CAMKMT: variants seen among roughly 807,000 people sequenced by gnomAD.
The protein encoded by CAMKMT is CaM KMT.
CAMKMT carries 53 observed loss-of-function variants against 48.0 expected under a neutral mutation model. The observed-to-expected ratio is 1.10, with a 90% confidence interval of 0.89 to 1.39. CAMKMT has a LOEUF of 1.39. Among genes scored for constraint, CAMKMT ranks in the 40% most tolerant of loss-of-function variants. The pLI is 0.00. For synonymous variants in CAMKMT, 165 were observed against 152.3 expected (o/e 1.08, Z -0.61); for missense variants, 428 against 402.7 (o/e 1.06, Z -0.54).
At chr2:44,540,379 A>G (rs998983559) in intron 3 of CAMKMT, among the ~76,000 whole-genome samples, 1 of 152,040 alleles carries the variant, frequency 6.6e-6, no homozygotes, top group Non-Finnish European at 1.5e-5. Flanking sequence ...ATCATCTTGT[A>G]CTTTCTCTGA....
intron 9 of CAMKMT, among the ~76,000 whole-genome samples, chr2:44,764,344 G>A (rs957193904): frequency 2.6e-5 from 4 of 152,058 alleles, no homozygotes; most frequent in African/African-American, 9.7e-5. Flanking sequence ...CATTTTTAGA[G>A]CACTGTTAGG....
At chr2:44,514,995 G>A (rs1670765285) in intron 3 of CAMKMT, among the ~76,000 whole-genome samples, 1 of 152,194 alleles carries the variant, frequency 6.6e-6, no homozygotes, top group South Asian at 2.1e-4. Context: ...GGGTAGTCCT[G>A]TGTAGACCAC....
chr2:44,476,303 A>G (rs1668685128), intron 3 of CAMKMT, among the ~76,000 whole-genome samples: 1 of 152,156 alleles, frequency 6.6e-6, no homozygotes, highest in Non-Finnish European at 1.5e-5. Context: ...TTAATTTCTT[A>G]AAGGTAAAGA....
intron 3 of CAMKMT, among the ~76,000 whole-genome samples, chr2:44,581,297 C>G (rs1171294765): frequency 6.6e-6 from 1 of 152,044 alleles, no homozygotes; most frequent in South Asian, 2.1e-4. Context: ...TATGACAAAT[C>G]ACTTAATATT....
At chr2:44,522,586 C>T (rs1047023922) in intron 3 of CAMKMT, among the ~76,000 whole-genome samples, 3 of 152,156 alleles carry the variant, frequency 2.0e-5, no homozygotes, top group African/African-American at 7.2e-5. Flanking sequence ...TAATGCATTA[C>T]CTTAAATCAT....
At position 44,453,245 on chromosome 2, in the gene CAMKMT, A is replaced by T. The variant is rs76882091; in HGVS notation, c.376+62940A>T. Among the ~76,000 whole-genome samples the T allele has an allele frequency of 1.8e-3, 274 of 152,110 alleles. 1 individual carries two copies. The highest frequency in any genetic ancestry group is 6.3e-3 in the African/African-American group (262 of 41,542). ...CATACATATGTGCATATTTACTTAT[A>T]CTCACATATATGTTCAATAAGGTTT... On this transcript the variant is annotated intron_variant, in intron 3 of 10. Coordinates refer to ENST00000378494, the MANE Select transcript of CAMKMT (RefSeq NM_024766.5).
intron 8 of CAMKMT, among the ~76,000 whole-genome samples, chr2:44,751,107 G>A (rs1371456357): frequency 6.6e-6 from 1 of 152,154 alleles, no homozygotes; most frequent in Non-Finnish European, 1.5e-5. Flanking sequence ...GAAATGCAGG[G>A]ACCTGGGAGA....
chr2:44,452,908 G>A (rs563920461), intron 3 of CAMKMT, among the ~76,000 whole-genome samples: 2 of 152,102 alleles, frequency 1.3e-5, no homozygotes, highest in Admixed American at 6.5e-5. Flanking sequence ...GGGGAAGAAT[G>A]GTTCGGCTGC....
At chr2:44,601,426 A>G (rs928408705) in intron 3 of CAMKMT, among the ~76,000 whole-genome samples, 1 of 152,148 alleles carries the variant, frequency 6.6e-6, no homozygotes, top group Admixed American at 6.5e-5. Context: ...ATTGCACTCC[A>G]GCCTGGGCAA....
chr2:44,515,071 CTA>C (rs1381192198), intron 3 of CAMKMT, among the ~76,000 whole-genome samples: 2 of 152,156 alleles, frequency 1.3e-5, no homozygotes, highest in Admixed American at 6.5e-5. Context: ...GTCTTAATCT[CTA>C]TGTTTTAACT....
chr2:44,765,733 G>C (rs1457327629), intron 9 of CAMKMT, among the ~76,000 whole-genome samples: 1 of 152,108 alleles, frequency 6.6e-6, no homozygotes, highest in African/African-American at 2.4e-5. Context: ...GGATTATTTA[G>C]AAAAGGCTGT....
chr2:44,579,992 A>G (rs1000810834), intron 3 of CAMKMT, among the ~76,000 whole-genome samples: 25 of 152,030 alleles, frequency 1.6e-4, no homozygotes, highest in African/African-American at 6.0e-4. Context: ...TTTTTTTTAG[A>G]CCCAATTCCT....
intron 3 of CAMKMT, chr2:44,393,517 A>T (rs1681545264): frequency 6.6e-6 from 1 of 152,208 alleles, no homozygotes; most frequent in Admixed American, 6.5e-5. Flanking sequence ...GCTTACCTTT[A>T]ACTAGGAATA....
intron 1 of CAMKMT, among the ~76,000 whole-genome samples, chr2:44,369,555 A>G (rs1404448774): frequency 6.6e-6 from 1 of 152,226 alleles, no homozygotes; most frequent in East Asian, 1.9e-4. Flanking sequence ...AGAACAGTAT[A>G]AAGCTGCAAC....
chr2:44,472,478 G>A (rs1370877716), intron 3 of CAMKMT, among the ~76,000 whole-genome samples: 2 of 152,146 alleles, frequency 1.3e-5, no homozygotes, highest in African/African-American at 4.8e-5. Flanking sequence ...TCTAAGGTTC[G>A]AACTTTTGCA....
intron 7 of CAMKMT, among the ~76,000 whole-genome samples, chr2:44,730,325 TGTCCA>T (rs1679014767): frequency 2.0e-5 from 3 of 152,194 alleles, no homozygotes; most frequent in South Asian, 4.1e-4. Context: ...TTCCCCAACT[TGTCCA>T]GTCCACAGTG....
chr2:44,548,344 C>A (rs1284032061), intron 3 of CAMKMT, among the ~76,000 whole-genome samples: 1 of 152,282 alleles, frequency 6.6e-6, no homozygotes, highest in South Asian at 2.1e-4. Context: ...ACCCACTTAT[C>A]TCTAAGTGCT....
At chr2:44,757,478 A>G (rs1330751019) in intron 9 of CAMKMT, among the ~76,000 whole-genome samples, 1 of 152,090 alleles carries the variant, frequency 6.6e-6, no homozygotes, top group East Asian at 1.9e-4. Flanking sequence ...GGGAGTGAAA[A>G]AGCTGATGCA....
chr2:44,390,219 C>T (rs201772472), intron 2 of CAMKMT, 22 bp from the exon 3 acceptor site: 12 of 1,589,104 alleles, frequency 7.6e-6, no homozygotes, highest in East Asian at 2.2e-5. Context: ...ATCATTAAAG[C>T]AAACGCTTTA....
Sources: allele counts gnomAD v4.1 joint callset (sites outside exome capture counted in the v4.1 genomes callset), GRCh38; gene constraint gnomAD v4.1.1; transcripts MANE v1.5; gene names NCBI Gene and HGNC (gene_info 2026-07-23, HGNC 2026-07-21).